The following GRID2 variants were observed in gnomAD, a reference collection of about 807,000 sequenced individuals.
GRID2 encodes the protein glutamate receptor ionotropic, delta-2.
Under a neutral mutation model 114.8 loss-of-function variants are expected in GRID2, and 33 were observed. That is an observed-to-expected ratio of 0.29 (90% CI 0.22 to 0.38). GRID2 has a LOEUF of 0.38. GRID2 is among the 10% of genes least tolerant of loss of function. The pLI is 1.00. For synonymous variants in GRID2, 505 were observed against 449.9 expected, an observed-to-expected ratio of 1.12 and a Z score of -1.55; for missense variants, 1,184 against 1,257.7, an observed-to-expected ratio of 0.94 and a Z score of 0.89.
At chr4:92,311,431 C>A (rs770613199) in intron 1 of GRID2, among the ~76,000 whole-genome samples, 10 of 152,024 alleles carry the variant, frequency 6.6e-5, no homozygotes, top group East Asian at 1.9e-4. Context: ...CAAGTGAACA[C>A]CAGAAGCTAA....
At position 93,773,645 on chromosome 4, in the gene GRID2, T is replaced by C. The variant is rs941544944; in HGVS notation, c.*1147T>C. ...AGTTGAAACATAGATCATTGAAGGT[T>C]AAAAATCCTCTTCCAAAGCAGCAAG... On this transcript the variant is annotated 3_prime_UTR_variant, in exon 16 of 16. Coordinates refer to ENST00000282020, the MANE Select transcript of GRID2 (RefSeq NM_001510.4). 1 of 152,106 alleles carries C rather than the reference T, an allele frequency of 6.6e-6. No individual in the cohort carries two copies. Among genetic ancestry groups the C allele is most frequent in the Non-Finnish European group, 1.5e-5 (1 of 67,984 alleles). The allele number at this position is 152,106 out of a possible 1,614,324, so 9.4% of individuals were successfully genotyped here. A position where few individuals can be genotyped will look rare whatever the true frequency, so the allele number is the denominator to read the frequency against.
chr4:92,692,275 A>T (rs911724302), intron 2 of GRID2, among the ~76,000 whole-genome samples: 32 of 152,320 alleles, frequency 2.1e-4, no homozygotes, highest in Admixed American at 6.5e-4. Flanking sequence ...TATTTCTGCT[A>T]CAAGTACTAC....
Position 93,176,528 on chromosome 4 carries a change from C to T in GRID2, c.736-30876C>T, listed in dbSNP as rs146665880. Reference sequence around the variant, plus strand: ...TGTCAGTAGCATGGCCAATTGTCTACAGTAGAGGTTCCTAGTGGGAGAAGT... The same window carrying T: ...TGTCAGTAGCATGGCCAATTGTCTATAGTAGAGGTTCCTAGTGGGAGAAGT... On this transcript the variant is annotated intron_variant, in intron 4 of 15. Coordinates refer to ENST00000282020, the MANE Select transcript of GRID2 (RefSeq NM_001510.4). 3.7e-3 allele frequency among the ~76,000 whole-genome samples: 561 copies of T among 152,238 alleles called. 1 individual carries two copies. The highest frequency in any genetic ancestry group is 0.012 in the African/African-American group (486 of 41,540).
intron 8 of GRID2, among the ~76,000 whole-genome samples, chr4:93,307,320 A>G (rs1755542218): frequency 6.6e-6 from 1 of 152,064 alleles, no homozygotes; most frequent in Non-Finnish European, 1.5e-5. Context: ...GAATAATACT[A>G]ATGAGTGACA....
At chr4:93,010,719 A>T (rs189455591) in intron 2 of GRID2, among the ~76,000 whole-genome samples, 76 of 152,168 alleles carry the variant, frequency 5.0e-4, no homozygotes, top group Non-Finnish European at 8.1e-4. Flanking sequence ...GATTTTTTTT[A>T]AAATATCCTT....
chr4:93,322,195 G>A (rs1330684401), intron 8 of GRID2, among the ~76,000 whole-genome samples: 2 of 151,374 alleles, frequency 1.3e-5, no homozygotes, highest in Non-Finnish European at 2.9e-5. Flanking sequence ...ATCCCTCCCC[G>A]CTTCCCCCAC....
intron 8 of GRID2, among the ~76,000 whole-genome samples, chr4:93,248,865 A>G (rs1183898754): frequency 6.6e-6 from 1 of 151,882 alleles, no homozygotes; most frequent in Non-Finnish European, 1.5e-5. Context: ...CAGTAATTTT[A>G]TTTTCCTTCT....
intron 11 of GRID2, among the ~76,000 whole-genome samples, chr4:93,463,212 A>G (rs1380415360): frequency 2.6e-5 from 4 of 152,188 alleles, no homozygotes; most frequent in Non-Finnish European, 5.9e-5. Context: ...AAAAAAGTTG[A>G]ACTTTCATGC....
chr4:92,718,980 T>A (rs1008632404), intron 2 of GRID2, among the ~76,000 whole-genome samples: 6 of 151,950 alleles, frequency 3.9e-5, no homozygotes, highest in Non-Finnish European at 8.8e-5. Context: ...GATGAAAATA[T>A]CAAAAGACAG....
intron 13 of GRID2, among the ~76,000 whole-genome samples, chr4:93,565,261 A>G (rs1735294798): frequency 6.6e-6 from 1 of 152,172 alleles, no homozygotes; most frequent in Non-Finnish European, 1.5e-5. Flanking sequence ...ACATGAGATT[A>G]CCAGTAAAAC....
At chr4:93,254,714 A>G (rs1413061548) in intron 8 of GRID2, among the ~76,000 whole-genome samples, 1 of 152,124 alleles carries the variant, frequency 6.6e-6, no homozygotes, top group Non-Finnish European at 1.5e-5. Context: ...GTGCACTTTC[A>G]TTAAATAAGA....
chr4:92,621,249 T>A (rs1730260168), intron 2 of GRID2, among the ~76,000 whole-genome samples: 1 of 151,766 alleles, frequency 6.6e-6, no homozygotes, highest in East Asian at 1.9e-4. Context: ...TCAGGACACA[T>A]TTAGAAAAGG....
At chr4:92,910,587 G>A (rs1748297761) in intron 2 of GRID2, among the ~76,000 whole-genome samples, 1 of 152,134 alleles carries the variant, frequency 6.6e-6, no homozygotes, top group African/African-American at 2.4e-5. Flanking sequence ...GGAGAAGGTA[G>A]TGCTAAATAC....
At chr4:92,876,680 A>G (rs1375282621) in intron 2 of GRID2, among the ~76,000 whole-genome samples, 2 of 152,180 alleles carry the variant, frequency 1.3e-5, no homozygotes, top group Non-Finnish European at 2.9e-5. Flanking sequence ...AAAATGGGTA[A>G]AATGCATCAT....
At chr4:93,323,611 G>C (rs112387583) in intron 8 of GRID2, among the ~76,000 whole-genome samples, 2,525 of 152,156 alleles carry the variant, frequency 0.017, 76 homozygotes, top group African/African-American at 0.058. Context: ...GATTGGGATG[G>C]CATTTAATGT....
intron 8 of GRID2, among the ~76,000 whole-genome samples, chr4:93,322,417 G>C (rs992057652): frequency 1.3e-5 from 2 of 152,104 alleles, no homozygotes; most frequent in Non-Finnish European, 2.9e-5. Context: ...TGGTGTATAT[G>C]TGCCACATTT....
At chr4:93,619,528 T>C (rs1160344493) in intron 13 of GRID2, among the ~76,000 whole-genome samples, 1 of 152,210 alleles carries the variant, frequency 6.6e-6, no homozygotes, top group Non-Finnish European at 1.5e-5. Flanking sequence ...AGGCTAGAAT[T>C]TATTTCCCTC....
At chr4:92,792,444 A>C (rs1739634800) in intron 2 of GRID2, among the ~76,000 whole-genome samples, 1 of 141,316 alleles carries the variant, frequency 7.1e-6, no homozygotes, top group African/African-American at 2.7e-5. Context: ...TGATTTTATT[A>C]GCAGGCAAGA....
rs1353080967 is a variant in GRID2, at chr4:93,035,560, G to C, written c.245-49435G>C. Among the ~76,000 whole-genome samples, 4 of 152,118 alleles carry C rather than the reference G, an allele frequency of 2.6e-5. No individual in the cohort carries two copies. In the East Asian group the frequency reaches 7.8e-4, roughly 30 times the overall value. The stretch of plus-strand genomic sequence containing the variant: ...GAGCATGGCTTCCCTTTATCCTCTA[G>C]TTCTAGGTCAGGGTCTCTCACAAGG... On this transcript the variant is annotated intron_variant, in intron 2 of 15. Coordinates refer to ENST00000282020, the MANE Select transcript of GRID2 (RefSeq NM_001510.4).
Sources: allele counts gnomAD v4.1 joint callset (sites outside exome capture counted in the v4.1 genomes callset), GRCh38; gene constraint gnomAD v4.1.1; transcripts MANE v1.5; gene names NCBI Gene and HGNC (gene_info 2026-07-23, HGNC 2026-07-21).